The following BPI variants were observed in gnomAD, a reference collection of about 807,000 sequenced individuals.
BPI encodes the protein bactericidal permeability increasing protein, also known as bactericidal permeability-increasing protein.
Under a neutral mutation model 57.6 loss-of-function variants are expected in BPI, and 48 were observed. The ratio of observed to expected loss-of-function variants is 0.83; its 90% CI spans 0.66 to 1.06. The LOEUF (loss-of-function observed/expected upper bound fraction) is 1.06. Ranked by LOEUF, BPI falls within the 50% of genes least tolerant of loss-of-function variation. BPI has a pLI of 0.00. For synonymous variants in BPI, 237 were observed against 238.2 expected (o/e 0.99, Z 0.05); for missense variants, 651 against 609.7 (o/e 1.07, Z -0.71).
At chr20:38,327,733 T>C (rs2076720990) in intron 11 of BPI, 78 bp downstream of exon 11, 5 of 1,497,190 alleles carry the variant, frequency 3.3e-6, no homozygotes, top group Admixed American at 3.4e-5. Flanking sequence ...TCCTGTGATA[T>C]ACAGAAGCAC....
intron 1 of BPI, among the ~76,000 whole-genome samples, chr20:38,306,985 C>T (rs1355505411): frequency 6.6e-6 from 1 of 151,902 alleles, no homozygotes; most frequent in East Asian, 1.9e-4. Context: ...GAGTTCGAAA[C>T]CAGCTGGGCA....
Position 38,337,266 on chromosome 20 carries a change from C to G in BPI, c.*82C>G. Reference sequence around the variant, plus strand: ...CACCGGCTGCCTTTCCCCAGGGAATCCTCTCCAGATCTTAACCAAGAGCCC... The same window carrying G: ...CACCGGCTGCCTTTCCCCAGGGAATGCTCTCCAGATCTTAACCAAGAGCCC... On this transcript the variant is annotated 3_prime_UTR_variant, in exon 15 of 15. Coordinates refer to ENST00000642449, the MANE Select transcript of BPI (RefSeq NM_001725.3). 1.6e-6 allele frequency: 2 copies of G among 1,253,192 alleles called. No homozygotes were observed. Among genetic ancestry groups the G allele is most frequent in the Non-Finnish European group, 1.1e-6 (1 of 893,506 alleles). 77.6% of individuals were successfully genotyped at this position (1,253,192 alleles called of 1,614,324 possible).
In BPI at chr20:38,307,550, CT is replaced by C. The variant is rs1432496557; in HGVS notation, c.131-16del. 1 of 1,590,108 alleles carries C rather than the reference CT, an allele frequency of 6.3e-7. No individual in the cohort carries two copies. Among genetic ancestry groups the C allele is most frequent in the Non-Finnish European group, 8.6e-7 (1 of 1,167,358 alleles). On this transcript the variant is annotated splice_polypyrimidine_tract_variant and intron_variant, in intron 1 of 14. Coordinates refer to ENST00000642449, the MANE Select transcript of BPI (RefSeq NM_001725.3). ...CAGGCTGTGCCTCTCACTGTCACCC[CT>C]GCCTTCTCCCTTCAGCCAGCCAGCA...
Position 38,314,289 on chromosome 20 carries a change from A to G in BPI, c.600+2352A>G, listed in dbSNP as rs1458841399. On this transcript the variant is annotated intron_variant, in intron 5 of 14. Transcript: ENST00000642449. ...GAGATTGATGATGGTGATGGTGGGGATGATGATAATGATGATGGTGATGGT... is the reference window on the plus strand; with the variant it reads ...GAGATTGATGATGGTGATGGTGGGGGTGATGATAATGATGATGGTGATGGT... Among the ~76,000 whole-genome samples the G allele has an allele frequency of 1.6e-4, 21 of 134,604 alleles. No homozygotes were observed. In the South Asian group the frequency reaches 5.2e-3, roughly 34 times the overall value. The allele number at this position is 134,604 out of a possible 152,430, so 88.3% of individuals were successfully genotyped here.
intron 3 of BPI, among the ~76,000 whole-genome samples, chr20:38,310,013 GA>G (rs1469232850): frequency 6.6e-6 from 1 of 152,174 alleles, no homozygotes; most frequent in African/African-American, 2.4e-5. Flanking sequence ...AAAAACAAAA[GA>G]ATGTCCACTG....
chr20:38,329,291 C>G (rs977739968), intron 11 of BPI, among the ~76,000 whole-genome samples: 1 of 152,164 alleles, frequency 6.6e-6, no homozygotes, highest in African/African-American at 2.4e-5. Context: ...TGGCACCCGC[C>G]TCTTCAGCAC....
chr20:38,312,567 C>T (rs551273590), intron 5 of BPI, among the ~76,000 whole-genome samples: 2 of 152,332 alleles, frequency 1.3e-5, no homozygotes, highest in South Asian at 4.1e-4. Flanking sequence ...AAGAGTTTTG[C>T]CTCTCTCCAG....
Position 38,308,916 on chromosome 20 carries a change from T to G in BPI, c.246-14T>G. 6.2e-7 allele frequency: 1 copy of G among 1,614,056 alleles called. No homozygotes were observed. Among genetic ancestry groups the G allele is most frequent in the Non-Finnish European group, 8.5e-7 (1 of 1,179,928 alleles). On this transcript the variant is annotated splice_polypyrimidine_tract_variant and intron_variant, in intron 2 of 14. Transcript: ENST00000642449. ...TATATGAAATTATATGACATTCACA[T>G]TTCTCCTTTGCAGCATGGACATCCG... is the stretch of plus-strand genomic sequence containing the variant.
At chr20:38,315,674 A>G (rs1037763435) in intron 5 of BPI, among the ~76,000 whole-genome samples, 1 of 152,142 alleles carries the variant, frequency 6.6e-6, no homozygotes, top group Non-Finnish European at 1.5e-5. Flanking sequence ...TTAGGACTTC[A>G]AGAGCCTTAT....
At chr20:38,318,920 G>A (rs888308572) in intron 6 of BPI, among the ~76,000 whole-genome samples, 1 of 152,132 alleles carries the variant, frequency 6.6e-6, no homozygotes, top group African/African-American at 2.4e-5. Context: ...ACACTCCCCT[G>A]AGAGAGGCAT....
At chr20:38,319,256 A>G (rs78553394) in intron 6 of BPI, among the ~76,000 whole-genome samples, 1 of 152,034 alleles carries the variant, frequency 6.6e-6, no homozygotes, top group East Asian at 1.9e-4. Flanking sequence ...ACAAAACAAA[A>G]CAAAAAACAC....
At chr20:38,307,053 G>T (rs941546703) in intron 1 of BPI, among the ~76,000 whole-genome samples, 2 of 152,016 alleles carry the variant, frequency 1.3e-5, no homozygotes, top group African/African-American at 4.8e-5. Context: ...TAAAAAGTTA[G>T]CCTGGTGTGG....
chr20:38,306,690 CA>C (rs1452401724), intron 1 of BPI, among the ~76,000 whole-genome samples: 1 of 152,056 alleles, frequency 6.6e-6, no homozygotes, highest in Admixed American at 6.6e-5. Context: ...GGAGACAGTC[CA>C]AAACCCAGAG....
chr20:38,305,543 A>G (rs1045277551), intron 1 of BPI, among the ~76,000 whole-genome samples: 13 of 152,070 alleles, frequency 8.5e-5, no homozygotes, highest in Non-Finnish European at 1.2e-4. Context: ...GCCCCTGTCA[A>G]CTTACAGATC....
intron 1 of BPI, among the ~76,000 whole-genome samples, chr20:38,305,060 G>A (rs6099053): frequency 0.16 from 24,766 of 152,216 alleles, 2,252 homozygotes; most frequent in African/African-American, 0.25. Flanking sequence ...GCTGCCTCCC[G>A]ATGGCAGAGA....
rs1044454893 is a variant in BPI, at chr20:38,323,991, C to T, written c.878C>T (p.Ala293Val). The T allele has an allele frequency of 2.5e-6, 4 of 1,614,142 alleles. No individual in the cohort carries two copies. The highest frequency in any genetic ancestry group is 3.4e-6 in the Non-Finnish European group (4 of 1,180,026). Residue 293 changes from alanine (A) to valine (V), a missense_variant, in exon 8 of 15, where the codon GCC becomes GTC. Ala to Val is a moderately conservative substitution (Grantham distance 64, BLOSUM62 0). Transcript: ENST00000642449. ...CTCTCAGACTACTTCTTCAACACAG[C>T]CGGGCTTGTATACCAAGAGGCTGGG... ...LGLSDYFFNTAGLVYQEAGVL... is the reference protein window; with the variant it reads ...LGLSDYFFNTVGLVYQEAGVL...
intron 5 of BPI, among the ~76,000 whole-genome samples, chr20:38,314,968 C>T (rs954566508): frequency 6.9e-6 from 1 of 145,110 alleles, no homozygotes; most frequent in African/African-American, 2.6e-5. Flanking sequence ...GGCAGGAGCT[C>T]ATCCTGGGAA....
intron 11 of BPI, among the ~76,000 whole-genome samples, chr20:38,329,505 A>G (rs2076731817): frequency 6.6e-6 from 1 of 152,216 alleles, no homozygotes; most frequent in African/African-American, 2.4e-5. Flanking sequence ...CCTCTAAAGT[A>G]AAGGAGCTGG....
chr20:38,327,659 A>G lies in BPI; in HGVS notation c.1229+4A>G. 6.2e-7 allele frequency: 1 copy of G among 1,613,392 alleles called. No homozygotes were observed. ...TTGGAGAGCTCAAGCTGGATAGGTA[A>G]GTGGGCCTGTGAGAGGAGGAGGGGG... On this transcript the variant is annotated splice_donor_region_variant and intron_variant, in intron 11 of 14. Coordinates refer to ENST00000642449, the MANE Select transcript of BPI (RefSeq NM_001725.3).
Sources: allele counts gnomAD v4.1 joint callset (sites outside exome capture counted in the v4.1 genomes callset), GRCh38; gene constraint gnomAD v4.1.1; transcripts MANE v1.5; gene names NCBI Gene and HGNC (gene_info 2026-07-23, HGNC 2026-07-21).